The following RERG variants were observed in gnomAD, a reference collection of about 807,000 sequenced individuals.
RERG encodes the protein ras-related and estrogen-regulated growth inhibitor.
In RERG, 25 loss-of-function variants were observed where a neutral mutation model predicts 23.2. The ratio of observed to expected loss-of-function variants is 1.08; its 90% CI spans 0.79 to 1.50. RERG has a LOEUF of 1.50. Among genes scored for constraint, RERG ranks in the 40% most tolerant of loss-of-function variants. The probability of loss-of-function intolerance (pLI) is 0.00; values close to 1 mark genes in which losing one functional copy is unlikely to be tolerated. For synonymous variants in RERG, 81 were observed against 89.1 expected (o/e 0.91, Z 0.51); for missense variants, 253 against 250.1 (o/e 1.01, Z -0.08).
rs1187939387 is a variant in RERG, at chr12:15,109,483, C to T, written c.227G>A (p.Trp76Ter). ...GTAGACCAGCACAAAGCCTTCCCCCCATCGCATGTGCCCCTCCCTCTGAAT... is the reference window on the plus strand; with the variant it reads ...GTAGACCAGCACAAAGCCTTCCCCCTATCGCATGTGCCCCTCCCTCTGAAT... ...DTIQREGHMR[W>*]GEGFVLVYDI... The change falls in exon 5 of 5, where the codon TGG (tryptophan) becomes TAG (stop). Residue 76 changes from tryptophan (W) to a stop codon, truncating the protein, a stop_gained. Transcript: ENST00000256953. LOFTEE classifies it high-confidence loss of function. 2 of 1,611,002 alleles carry T rather than the reference C, an allele frequency of 1.2e-6. No individual in the cohort carries two copies. Among genetic ancestry groups the T allele is most frequent in the African/African-American group, 2.7e-5 (2 of 74,852 alleles).
chr12:15,133,144 G>GATATATATAT lies in RERG; in HGVS notation c.62-12026_62-12025insATATATATAT, dbSNP rs1491335287. Among the ~76,000 whole-genome samples the GATATATATAT allele has an allele frequency of 5.9e-4, 35 of 59,216 alleles. 1 individual carries two copies. Among genetic ancestry groups the GATATATATAT allele is most frequent in the Admixed American group, 5.7e-3 (29 of 5,110 alleles). The allele number at this position is 59,216 out of a possible 152,430, so 38.8% of individuals were successfully genotyped here. ...CACTCTTGGGGTTGTATATCCTGTGGAGATATATATATATATATATATATA... is the reference window on the plus strand; with the variant it reads ...CACTCTTGGGGTTGTATATCCTGTGGATATATATATAGATATATATATATATATATATATA... On this transcript the variant is annotated intron_variant, in intron 2 of 4. Transcript: ENST00000256953.
intron 2 of RERG, among the ~76,000 whole-genome samples, chr12:15,168,872 G>T (rs1864733685): frequency 6.6e-6 from 1 of 152,150 alleles, no homozygotes; most frequent in African/African-American, 2.4e-5. Context: ...GATTCTTATT[G>T]TCTTCTCAAG....
chr12:15,217,458 A>G lies in RERG; in HGVS notation c.32T>C (p.Ile11Thr). 1.2e-6 allele frequency: 2 copies of G among 1,613,688 alleles called. No homozygotes were observed. The highest frequency in any genetic ancestry group is 1.7e-6 in the Non-Finnish European group (2 of 1,179,636). The change falls in exon 2 of 5, where the codon ATA (isoleucine) becomes ACA (threonine). Residue 11 changes from isoleucine to threonine, a missense_variant. Coordinates refer to ENST00000256953, the MANE Select transcript of RERG (RefSeq NM_032918.3). ...CTTGCCCACGCCTGCTCTCCCAAAT[A>G]TTGCCAGTTTGACCTCCGCACTTTT... MAKSAEVKLA[I>T]FGRAGVGKSA... is the part of the protein sequence containing the mutation.
At chr12:15,143,360 A>G (rs1864272304) in intron 2 of RERG, among the ~76,000 whole-genome samples, 1 of 148,378 alleles carries the variant, frequency 6.7e-6, no homozygotes, top group African/African-American at 2.6e-5. Context: ...GTGTGTATGT[A>G]CATATAATAT....
At chr12:15,204,542 G>A (rs960316620) in intron 2 of RERG, among the ~76,000 whole-genome samples, 4 of 151,664 alleles carry the variant, frequency 2.6e-5, no homozygotes, top group African/African-American at 9.7e-5. Flanking sequence ...TTAATAACAT[G>A]TGAATTGCTA....
intron 2 of RERG, among the ~76,000 whole-genome samples, chr12:15,147,732 C>T (rs1351501142): frequency 1.3e-5 from 2 of 151,952 alleles, no homozygotes; most frequent in Non-Finnish European, 2.9e-5. Flanking sequence ...AGATGTTGAA[C>T]CAAAAAGAGA....
chr12:15,162,638 A>C (rs750197410), intron 2 of RERG, among the ~76,000 whole-genome samples: 2 of 152,246 alleles, frequency 1.3e-5, no homozygotes, highest in South Asian at 4.1e-4. Context: ...CCTTTCTTCT[A>C]CATACATGAA....
chr12:15,163,270 A>T (rs1003702214), intron 2 of RERG, among the ~76,000 whole-genome samples: 10 of 152,220 alleles, frequency 6.6e-5, no homozygotes, highest in African/African-American at 2.4e-4. Context: ...GAAGAAGAAG[A>T]GATGAAGATT....
intron 2 of RERG, among the ~76,000 whole-genome samples, chr12:15,188,941 G>A (rs947373950): frequency 1.3e-5 from 2 of 152,146 alleles, no homozygotes; most frequent in Middle Eastern, 6.8e-3. Flanking sequence ...CAGATTTCTT[G>A]ATTTCTTGAT....
intron 2 of RERG, among the ~76,000 whole-genome samples, chr12:15,194,403 T>C (rs1236225676): frequency 6.6e-6 from 1 of 152,018 alleles, no homozygotes; most frequent in South Asian, 2.1e-4. Context: ...GTTCTCAAAA[T>C]ATATACACTC....
intron 1 of RERG, 63 bp downstream of exon 1, chr12:15,221,132 C>T (rs34865760): frequency 1.3e-5 from 2 of 152,406 alleles, no homozygotes; most frequent in South Asian, 2.1e-4. Context: ...GCGCTCAGGG[C>T]TCGGAATGGG....
chr12:15,166,694 A>G (rs1009454085), intron 2 of RERG, among the ~76,000 whole-genome samples: 3 of 151,786 alleles, frequency 2.0e-5, no homozygotes, highest in African/African-American at 7.3e-5. Context: ...GAAAGTATTT[A>G]TTGTTGTTGC....
At chr12:15,147,768 G>A (rs551782965) in intron 2 of RERG, among the ~76,000 whole-genome samples, 59 of 152,250 alleles carry the variant, frequency 3.9e-4, no homozygotes, top group Admixed American at 6.5e-4. Context: ...TTTACTACTT[G>A]GGAAAATGTA....
intron 4 of RERG, among the ~76,000 whole-genome samples, chr12:15,110,591 G>A (rs796135872): frequency 1.4e-5 from 2 of 145,964 alleles, no homozygotes; most frequent in African/African-American, 5.1e-5. Context: ...CCGTTCTCCT[G>A]CCTCAGCCTC....
chr12:15,174,893 A>T (rs1864826493), intron 2 of RERG, among the ~76,000 whole-genome samples: 1 of 151,888 alleles, frequency 6.6e-6, no homozygotes, highest in Admixed American at 6.6e-5. Flanking sequence ...CATGTTTTCT[A>T]TTAGTTCTTT....
intron 2 of RERG, among the ~76,000 whole-genome samples, chr12:15,127,144 A>G (rs1368431465): frequency 6.6e-6 from 1 of 152,180 alleles, no homozygotes; most frequent in Non-Finnish European, 1.5e-5. Flanking sequence ...TCTCTGTTAT[A>G]TAATGTGTAC....
intron 2 of RERG, among the ~76,000 whole-genome samples, chr12:15,213,697 A>C (rs1306734148): frequency 2.6e-5 from 4 of 152,164 alleles, no homozygotes; most frequent in Non-Finnish European, 5.9e-5. Context: ...ACATTATTAA[A>C]TTTTTGCCTT....
chr12:15,195,120 A>T (rs569121710), intron 2 of RERG, among the ~76,000 whole-genome samples: 20 of 152,266 alleles, frequency 1.3e-4, no homozygotes, highest in Admixed American at 1.2e-3. Flanking sequence ...TCTGAACATC[A>T]TTATAGTCAT....
At chr12:15,218,727 C>G (rs533973217) in intron 1 of RERG, among the ~76,000 whole-genome samples, 2 of 151,746 alleles carry the variant, frequency 1.3e-5, no homozygotes, top group Non-Finnish European at 2.9e-5. Flanking sequence ...CTAGTAGGAC[C>G]CTTTGCTCCA....
Sources: gnomAD v4.1 joint callset for allele counts (sites outside exome capture counted in the v4.1 genomes callset) on GRCh38, gnomAD v4.1.1 for gene constraint, MANE v1.5 for transcripts, NCBI Gene and HGNC (gene_info 2026-07-23, HGNC 2026-07-21) for gene names.